Variants in STK32B observed in about 807,000 individuals in gnomAD.
STK32B encodes the protein serine/threonine-protein kinase 32B.
A neutral mutation model predicts 52.6 loss-of-function variants in STK32B; 43 were observed. That is an observed-to-expected ratio of 0.82 (90% CI 0.64 to 1.05). The LOEUF (loss-of-function observed/expected upper bound fraction) is 1.05. Among genes scored for constraint, STK32B ranks in the 50% least tolerant of loss-of-function variants. STK32B has a pLI of 0.00. For synonymous variants in STK32B, 238 were observed against 204.3 expected, an observed-to-expected ratio of 1.17 and a Z score of -1.41; for missense variants, 621 against 534.6, an observed-to-expected ratio of 1.16 and a Z score of -1.59.
At chr4:5,209,034 C>T (rs1017080636) in intron 3 of STK32B, among the ~76,000 whole-genome samples, 1 of 152,220 alleles carries the variant, frequency 6.6e-6, no homozygotes, top group Non-Finnish European at 1.5e-5. Context: ...CCTCTCATGG[C>T]CCCTTTTCCT....
chr4:5,348,537 T>C (rs1277771901), intron 4 of STK32B, among the ~76,000 whole-genome samples: 1 of 152,182 alleles, frequency 6.6e-6, no homozygotes, highest in Non-Finnish European at 1.5e-5. Context: ...CACATTTTTA[T>C]GTGCTGTGAG....
At chr4:5,313,962 T>C (rs67932122) in intron 3 of STK32B, among the ~76,000 whole-genome samples, 17,748 of 152,118 alleles carry the variant, frequency 0.12, 2,616 homozygotes, top group African/African-American at 0.35. Context: ...GGGAAACACA[T>C]CCTGTTCATA....
intron 1 of STK32B, among the ~76,000 whole-genome samples, chr4:5,122,564 C>G (rs146769208): frequency 6.6e-6 from 1 of 151,892 alleles, no homozygotes; most frequent in Non-Finnish European, 1.5e-5. Flanking sequence ...CATTCACTCA[C>G]TCACTTGCTC....
chr4:5,311,018 A>T (rs1426885921), intron 3 of STK32B, among the ~76,000 whole-genome samples: 1 of 152,184 alleles, frequency 6.6e-6, no homozygotes, highest in Non-Finnish European at 1.5e-5. Flanking sequence ...AGAGTAAAAC[A>T]GTGGTTACTA....
chr4:5,174,346 G>T (rs62290497), intron 3 of STK32B, among the ~76,000 whole-genome samples: 39,449 of 151,704 alleles, frequency 0.26, 5,404 homozygotes, highest in East Asian at 0.36. Context: ...CTGTCATTAT[G>T]ATGTTAGCTG....
At chr4:5,289,279 C>G (rs2108881388) in intron 3 of STK32B, among the ~76,000 whole-genome samples, 1 of 152,174 alleles carries the variant, frequency 6.6e-6, no homozygotes, top group African/African-American at 2.4e-5. Context: ...AAATGGCACA[C>G]CTGTATAAGT....
At chr4:5,030,986 A>G in the STK32B span, among the ~76,000 whole-genome samples, 228 of 152,238 alleles carry the variant, frequency 1.5e-3, 7 homozygotes, top group East Asian at 0.039. Context: ...ATAATTGTGG[A>G]AGCTCAGCAA....
At chr4:5,180,248 A>G (rs1577151210) in intron 3 of STK32B, among the ~76,000 whole-genome samples, 2 of 152,238 alleles carry the variant, frequency 1.3e-5, no homozygotes, top group Admixed American at 1.3e-4. Context: ...ATTCAGACTC[A>G]GACAGACTCA....
chr4:5,335,328 C>T (rs1262579298), intron 4 of STK32B, among the ~76,000 whole-genome samples: 1 of 152,114 alleles, frequency 6.6e-6, no homozygotes, highest in Non-Finnish European at 1.5e-5. Context: ...ATGATATCCC[C>T]TTTATCATTT....
chr4:5,330,785 C>A (rs1361912905), intron 3 of STK32B, among the ~76,000 whole-genome samples: 1 of 152,192 alleles, frequency 6.6e-6, no homozygotes, highest in African/African-American at 2.4e-5. Flanking sequence ...GTTGCAGAAA[C>A]AAGCTCCATA....
At chr4:5,288,279 T>G (rs1728675574) in intron 3 of STK32B, among the ~76,000 whole-genome samples, 1 of 152,198 alleles carries the variant, frequency 6.6e-6, no homozygotes. Context: ...AAGGATGGCA[T>G]AGTAACTCTT....
intron 11 of STK32B, among the ~76,000 whole-genome samples, chr4:5,494,135 G>A (rs1480873578): frequency 6.6e-6 from 1 of 152,238 alleles, no homozygotes; most frequent in South Asian, 2.1e-4. Flanking sequence ...GGGTATCTTT[G>A]TTAACTTTCT....
At chr4:5,438,051 A>G (rs930730661) in intron 6 of STK32B, 1 of 985,454 alleles carries the variant, frequency 1.0e-6, no homozygotes, top group Non-Finnish European at 1.2e-6. Flanking sequence ...TGAGTTCTGA[A>G]TGGACTTGGG....
In STK32B at chr4:5,264,074, G is replaced by A. The variant is rs985103734; in HGVS notation, c.261-67146G>A. Among the ~76,000 whole-genome samples the A allele has an allele frequency of 1.3e-5, 2 of 152,198 alleles. 1 individual carries two copies. Among genetic ancestry groups the A allele is most frequent in the Admixed American group, 1.3e-4 (2 of 15,280 alleles). Reference sequence around the variant, plus strand: ...AATTCATTCTTCGATAGATACACATGTGGGTTGTTTTGGGTTTGTACTATT... The same window carrying A: ...AATTCATTCTTCGATAGATACACATATGGGTTGTTTTGGGTTTGTACTATT... On this transcript the variant is annotated intron_variant, in intron 3 of 11. Transcript: ENST00000282908.
At chr4:5,436,807 C>T (rs34363271) in intron 6 of STK32B, among the ~76,000 whole-genome samples, 14,301 of 152,168 alleles carry the variant, frequency 0.094, 1,022 homozygotes, top group East Asian at 0.4. Flanking sequence ...AGGCAAGCTA[C>T]TCTTCCTCCT....
At chr4:5,180,263 G>A (rs138551610) in intron 3 of STK32B, among the ~76,000 whole-genome samples, 22 of 152,328 alleles carry the variant, frequency 1.4e-4, no homozygotes, top group Non-Finnish European at 2.4e-4. Flanking sequence ...GACTCACCAT[G>A]TCCTAATGCT....
At chr4:5,487,602 G>T (rs1560455878) in intron 11 of STK32B, among the ~76,000 whole-genome samples, 1 of 152,138 alleles carries the variant, frequency 6.6e-6, no homozygotes, top group Non-Finnish European at 1.5e-5. Context: ...ACTGACAAAA[G>T]AAATCACCAA....
chr4:5,438,027 T>TG, intron 6 of STK32B: 1 of 985,574 alleles, frequency 1.0e-6, no homozygotes, highest in Non-Finnish European at 1.2e-6. Flanking sequence ...ATCACTCTGC[T>TG]GCTGCTTCTA....
intron 3 of STK32B, among the ~76,000 whole-genome samples, chr4:5,239,892 C>G (rs1015332050): frequency 1.3e-5 from 2 of 152,070 alleles, no homozygotes; most frequent in Admixed American, 6.5e-5. Flanking sequence ...ATCATGTACA[C>G]TCTGCACCTT....
Sources: gnomAD v4.1 joint callset for allele counts (sites outside exome capture counted in the v4.1 genomes callset) on GRCh38, gnomAD v4.1.1 for gene constraint, MANE v1.5 for transcripts, NCBI Gene and HGNC (gene_info 2026-07-23, HGNC 2026-07-21) for gene names.